The following PIGL variants were observed in gnomAD, a reference collection of about 807,000 sequenced individuals.
The protein encoded by PIGL is phosphatidylinositol glycan anchor biosynthesis class L, also known as N-acetylglucosaminyl-phosphatidylinositol de-N-acetylase.
PIGL carries 22 observed loss-of-function variants against 31.1 expected under a neutral mutation model. The ratio of observed to expected loss-of-function variants is 0.71; its 90% CI spans 0.51 to 1.01. The LOEUF (loss-of-function observed/expected upper bound fraction) is 1.01, where lower values mean the gene tolerates loss of function less well. Among genes scored for constraint, PIGL ranks in the 50% least tolerant of loss-of-function variants. The probability of loss-of-function intolerance (pLI) is 0.00; values close to 1 mark genes in which losing one functional copy is unlikely to be tolerated. For synonymous variants in PIGL, 131 were observed against 117.4 expected, an observed-to-expected ratio of 1.12 and a Z score of -0.75; for missense variants, 302 against 315.9, an observed-to-expected ratio of 0.96 and a Z score of 0.33.
chr17:16,305,495 G>A (rs1362785290), intron 3 of PIGL, among the ~76,000 whole-genome samples: 2 of 152,160 alleles, frequency 1.3e-5, no homozygotes, highest in African/African-American at 4.8e-5. Context: ...AATGACAGGT[G>A]CCATTGTCAT....
At chr17:16,254,682 G>T (rs747513704) in intron 2 of PIGL, among the ~76,000 whole-genome samples, 10 of 151,976 alleles carry the variant, frequency 6.6e-5, no homozygotes, top group African/African-American at 2.4e-4. Flanking sequence ...TCGACTCACT[G>T]CAAGCTTCGC....
At chr17:16,287,011 C>T (rs936425010) in intron 2 of PIGL, among the ~76,000 whole-genome samples, 3 of 152,244 alleles carry the variant, frequency 2.0e-5, no homozygotes, top group African/African-American at 4.8e-5. Context: ...ACTCAGCCCT[C>T]TGTTTGGCAC....
At chr17:16,312,160 G>T (rs1436283302) in intron 3 of PIGL, among the ~76,000 whole-genome samples, 2 of 150,650 alleles carry the variant, frequency 1.3e-5, no homozygotes, top group Non-Finnish European at 3.0e-5. Flanking sequence ...CCTCCCTCCC[G>T]GACGGGGCGG....
chr17:16,284,151 A>G (rs1600821419), intron 2 of PIGL: 1 of 152,084 alleles, frequency 6.6e-6, no homozygotes, highest in East Asian at 1.9e-4. Context: ...AATTTTTTGC[A>G]TTTTTAGTAG....
chr17:16,294,282 C>A (rs574956944), intron 2 of PIGL, among the ~76,000 whole-genome samples: 70 of 152,298 alleles, frequency 4.6e-4, no homozygotes, highest in African/African-American at 1.2e-3. Flanking sequence ...TGTCATCCTA[C>A]CCCATGTTCT....
At chr17:16,251,422 C>CA (rs34657944) in intron 2 of PIGL, among the ~76,000 whole-genome samples, 1,347 of 126,290 alleles carry the variant, frequency 0.011, 16 homozygotes, top group African/African-American at 0.035. Context: ...GACTCTGTCT[C>CA]AAAAAAAAAA....
chr17:16,217,766 C>CT (rs1469310925), intron 1 of PIGL: 16 of 341,120 alleles, frequency 4.7e-5, no homozygotes, highest in Middle Eastern at 8.1e-4. Context: ...TTCTGTGGAA[C>CT]TTTTTTTTAT....
Position 16,283,006 on chromosome 17 carries a change from A to ATT in PIGL, c.336-16868_336-16867dup, listed in dbSNP as rs34456796. Among the ~76,000 whole-genome samples, 8 of 146,806 alleles carry ATT rather than the reference A, an allele frequency of 5.4e-5. No homozygotes were observed. The East Asian group carries it at 1.2e-3, about 22-fold the overall frequency. ...GAGACCCCATGTCTACCAAAAAAGA[A>ATT]TTTTTTTTTTTTTTTAGACAGATTC... On this transcript the variant is annotated intron_variant, in intron 2 of 6. Transcript: ENST00000225609.
chr17:16,302,631 C>T (rs56345845), intron 3 of PIGL, among the ~76,000 whole-genome samples: 2,476 of 152,046 alleles, frequency 0.016, 64 homozygotes, highest in African/African-American at 0.057. Flanking sequence ...GACAGAGTCT[C>T]GCTCTGTCAC....
At chr17:16,309,061 G>A (rs908056508) in intron 3 of PIGL, among the ~76,000 whole-genome samples, 1 of 152,194 alleles carries the variant, frequency 6.6e-6, no homozygotes, top group African/African-American at 2.4e-5. Flanking sequence ...GAAATGCTGG[G>A]ATTCCAGGCA....
chr17:16,250,385 A>G lies in PIGL; in HGVS notation c.335+16315A>G, dbSNP rs577580978. On this transcript the variant is annotated intron_variant, in intron 2 of 6. Coordinates refer to ENST00000225609, the MANE Select transcript of PIGL (RefSeq NM_004278.4). ...CTGCTATTTCAGGTATCCACTGGGG[A>G]TCTTGGAACATATCATCCACAGGTA... Among the ~76,000 whole-genome samples the G allele has an allele frequency of 1.1e-3, 167 of 152,302 alleles. 3 individuals are homozygous for G. The highest frequency in any genetic ancestry group is 6.8e-3 in the Middle Eastern group (2 of 294).
chr17:16,246,727 G>A (rs572499740), intron 2 of PIGL, among the ~76,000 whole-genome samples: 2,163 of 118,056 alleles, frequency 0.018, 27 homozygotes, highest in Middle Eastern at 0.03. Context: ...CGCCCAGGCC[G>A]GACTGCGGAC....
At chr17:16,323,611 T>C (rs2093115026) in intron 6 of PIGL, among the ~76,000 whole-genome samples, 1 of 36,036 alleles carries the variant, frequency 2.8e-5, no homozygotes, top group Admixed American at 3.1e-4. Context: ...ACACTGATCT[T>C]TTTTTTTTTT....
chr17:16,260,856 A>C (rs1300565440), intron 2 of PIGL, among the ~76,000 whole-genome samples: 2 of 152,150 alleles, frequency 1.3e-5, no homozygotes, highest in Non-Finnish European at 2.9e-5. Flanking sequence ...ACAGTGGCTC[A>C]CACCTGTAAT....
intron 3 of PIGL, among the ~76,000 whole-genome samples, chr17:16,309,023 T>G (rs926266974): frequency 6.6e-6 from 1 of 152,052 alleles, no homozygotes; most frequent in African/African-American, 2.4e-5. Flanking sequence ...ACTCCTGGGG[T>G]CAAGCGATCC....
intron 6 of PIGL, among the ~76,000 whole-genome samples, chr17:16,325,517 T>C (rs975339206): frequency 2.0e-5 from 3 of 152,098 alleles, no homozygotes; most frequent in Non-Finnish European, 2.9e-5. Flanking sequence ...ATTGAGATGA[T>C]GCATGTGGAC....
chr17:16,297,876 G>T (rs532392611), intron 2 of PIGL, among the ~76,000 whole-genome samples: 10 of 152,310 alleles, frequency 6.6e-5, no homozygotes, highest in Admixed American at 5.9e-4. Flanking sequence ...ACCAGTACAG[G>T]TCCGTGGCCT....
At chr17:16,325,436 T>C (rs1035076972) in intron 6 of PIGL, among the ~76,000 whole-genome samples, 13 of 151,986 alleles carry the variant, frequency 8.6e-5, no homozygotes, top group African/African-American at 3.1e-4. Flanking sequence ...TGTTTGAGAC[T>C]GACGAGTTTC....
intron 6 of PIGL, among the ~76,000 whole-genome samples, chr17:16,322,000 TCTCGAACTCCCGAC>T (rs1225506093): frequency 6.6e-6 from 1 of 152,128 alleles, no homozygotes; most frequent in Non-Finnish European, 1.5e-5. Flanking sequence ...GTCAGGCTGG[TCTCGAACTCCCGAC>T]CTCAGGTGAT....
Sources: gnomAD v4.1 joint callset for allele counts (sites outside exome capture counted in the v4.1 genomes callset) on GRCh38, gnomAD v4.1.1 for gene constraint, MANE v1.5 for transcripts, NCBI Gene and HGNC (gene_info 2026-07-23, HGNC 2026-07-21) for gene names.